Variants in HS3ST3A1 observed in about 807,000 individuals in gnomAD.
The protein encoded by HS3ST3A1 is heparan sulfate glucosamine 3-O-sulfotransferase 3A1.
In HS3ST3A1, 19 loss-of-function variants were observed where a neutral mutation model predicts 25.7. The observed-to-expected ratio is 0.74, with a 90% CI of 0.52 to 1.08. The LOEUF (loss-of-function observed/expected upper bound fraction) is 1.08, where lower values mean the gene tolerates loss of function less well. Among genes scored for constraint, HS3ST3A1 ranks in the 50% least tolerant of loss-of-function variants. The probability of loss-of-function intolerance (pLI) is 0.00; values close to 1 mark genes in which losing one functional copy is unlikely to be tolerated. For missense variants in HS3ST3A1, 459 were observed against 594.3 expected (o/e 0.77, Z 2.37); for synonymous variants, 226 against 278.6 (o/e 0.81, Z 1.88).
intron 1 of HS3ST3A1, among the ~76,000 whole-genome samples, chr17:13,578,718 A>G (rs888135321): frequency 1.3e-5 from 2 of 152,182 alleles, no homozygotes; most frequent in Admixed American, 6.5e-5. Context: ...TACTGAACGA[A>G]TGAATGTTGA....
chr17:13,551,457 A>G (rs1184565503), intron 1 of HS3ST3A1, among the ~76,000 whole-genome samples: 1 of 152,022 alleles, frequency 6.6e-6, no homozygotes, highest in East Asian at 1.9e-4. Flanking sequence ...AGAGGTTTCC[A>G]ACACTCACAC....
intron 1 of HS3ST3A1, among the ~76,000 whole-genome samples, chr17:13,528,352 C>T (rs750301211): frequency 6.6e-5 from 10 of 152,208 alleles, no homozygotes; most frequent in South Asian, 2.1e-4. Context: ...AGCTGTGTGA[C>T]GTGTGGGCAG....
At chr17:13,576,667 G>T (rs1434064443) in intron 1 of HS3ST3A1, among the ~76,000 whole-genome samples, 1 of 152,084 alleles carries the variant, frequency 6.6e-6, no homozygotes, top group South Asian at 2.1e-4. Context: ...CGGTGTTAAG[G>T]GTGTCCAAAA....
intron 1 of HS3ST3A1, among the ~76,000 whole-genome samples, chr17:13,573,302 C>T (rs1180307878): frequency 6.6e-6 from 1 of 152,096 alleles, no homozygotes; most frequent in Non-Finnish European, 1.5e-5. Context: ...ATACTCAATC[C>T]ATCCATGCTT....
At chr17:13,581,425 C>A in intron 1 of HS3ST3A1, among the ~76,000 whole-genome samples, 1 of 149,734 alleles carries the variant, frequency 6.7e-6, no homozygotes. Context: ...TGAGATCGAG[C>A]CACTGCACTC....
At chr17:13,503,080 A>G (rs978986797) in intron 1 of HS3ST3A1, among the ~76,000 whole-genome samples, 2 of 148,736 alleles carry the variant, frequency 1.3e-5, no homozygotes, top group African/African-American at 5.0e-5. Flanking sequence ...CGAGAGGCTG[A>G]GGCAGAATCG....
chr17:13,595,927 A>T (rs1384620193), intron 1 of HS3ST3A1, among the ~76,000 whole-genome samples: 1 of 152,084 alleles, frequency 6.6e-6, no homozygotes, highest in East Asian at 1.9e-4. Context: ...TGAAGTAAGC[A>T]TCTGGTCTAT....
chr17:13,576,478 A>G (rs1200560814), intron 1 of HS3ST3A1, among the ~76,000 whole-genome samples: 1 of 152,260 alleles, frequency 6.6e-6, no homozygotes, highest in Non-Finnish European at 1.5e-5. Context: ...GACAGAAAGC[A>G]CAATATTTTA....
At chr17:13,591,558 TC>T (rs1174235489) in intron 1 of HS3ST3A1, among the ~76,000 whole-genome samples, 3 of 152,202 alleles carry the variant, frequency 2.0e-5, no homozygotes, top group Non-Finnish European at 2.9e-5. Flanking sequence ...TTTTAGTTAT[TC>T]CATAATAGGC....
intron 1 of HS3ST3A1, among the ~76,000 whole-genome samples, chr17:13,526,673 G>A (rs1042350394): frequency 6.6e-6 from 1 of 151,348 alleles, no homozygotes; most frequent in African/African-American, 2.4e-5. Context: ...TTAAGACAGA[G>A]TTTCGCTCTT....
chr17:13,522,383 T>A (rs1425204719), intron 1 of HS3ST3A1, among the ~76,000 whole-genome samples: 2 of 152,218 alleles, frequency 1.3e-5, no homozygotes, highest in Non-Finnish European at 2.9e-5. Flanking sequence ...TGTTTGGTTG[T>A]TTTAATTTAA....
intron 1 of HS3ST3A1, among the ~76,000 whole-genome samples, chr17:13,556,350 T>C (rs8076936): frequency 0.44 from 66,896 of 150,664 alleles, 15,861 homozygotes; most frequent in Middle Eastern, 0.53. Flanking sequence ...CTACTAAAAA[T>C]ACAAAAAATC....
chr17:13,550,283 C>T (rs532139437), intron 1 of HS3ST3A1, among the ~76,000 whole-genome samples: 1 of 152,296 alleles, frequency 6.6e-6, no homozygotes, highest in South Asian at 2.1e-4. Context: ...CAGCCTATTC[C>T]CTCTTCTTCC....
chr17:13,576,450 G>T (rs1907950799), intron 1 of HS3ST3A1, among the ~76,000 whole-genome samples: 1 of 152,132 alleles, frequency 6.6e-6, no homozygotes, highest in African/African-American at 2.4e-5. Flanking sequence ...AGTCACTCCA[G>T]ACAGAGAACG....
chr17:13,509,152 C>T (rs1453502656), intron 1 of HS3ST3A1, among the ~76,000 whole-genome samples: 1 of 151,862 alleles, frequency 6.6e-6, no homozygotes, highest in Non-Finnish European at 1.5e-5. Context: ...AAGGAGGAGA[C>T]GGGGGAGTTG....
intron 1 of HS3ST3A1, among the ~76,000 whole-genome samples, chr17:13,510,982 C>CT (rs1332273689): frequency 6.6e-6 from 1 of 152,196 alleles, no homozygotes; most frequent in Admixed American, 6.5e-5. Flanking sequence ...ATAATAATGT[C>CT]ATCATGAAAT....
At chr17:13,549,385 G>A (rs1475177879) in intron 1 of HS3ST3A1, among the ~76,000 whole-genome samples, 1 of 152,196 alleles carries the variant, frequency 6.6e-6, no homozygotes, top group Non-Finnish European at 1.5e-5. Context: ...CTTGAAGTCA[G>A]CAAGACCAAG....
At chr17:13,585,572 C>T (rs972206361) in intron 1 of HS3ST3A1, among the ~76,000 whole-genome samples, 34 of 151,414 alleles carry the variant, frequency 2.2e-4, no homozygotes, top group African/African-American at 8.0e-4. Context: ...TCACACTAAA[C>T]ATTTCTGCAT....
chr17:13,516,196 G>C (rs1906047659), intron 1 of HS3ST3A1, among the ~76,000 whole-genome samples: 1 of 152,084 alleles, frequency 6.6e-6, no homozygotes, highest in South Asian at 2.1e-4. Context: ...TGTAATCCCA[G>C]CTACTCGGAA....
Sources: gnomAD v4.1 joint callset for allele counts (sites outside exome capture counted in the v4.1 genomes callset) on GRCh38, gnomAD v4.1.1 for gene constraint, MANE v1.5 for transcripts, NCBI Gene and HGNC (gene_info 2026-07-23, HGNC 2026-07-21) for gene names.